PLS1: variants seen among roughly 807,000 people sequenced by gnomAD.
PLS1 encodes plastin 1, also known as plastin-1.
In PLS1, 32 loss-of-function variants were observed where a neutral mutation model predicts 73.7. The observed-to-expected ratio is 0.43, with a 90% CI of 0.33 to 0.58. PLS1 has a LOEUF of 0.58. Among genes scored for constraint, PLS1 ranks in the 20% least tolerant of loss-of-function variants. The pLI is 0.04. For synonymous variants in PLS1, 217 were observed against 261.3 expected, an observed-to-expected ratio of 0.83 and a Z score of 1.63; for missense variants, 633 against 740.5, an observed-to-expected ratio of 0.85 and a Z score of 1.68.
intron 1 of PLS1, among the ~76,000 whole-genome samples, chr3:142,643,211 A>T (rs1378816962): frequency 1.3e-5 from 2 of 152,208 alleles, no homozygotes; most frequent in African/African-American, 4.8e-5. Flanking sequence ...TGGAGCCCAG[A>T]AAGGAAGGGC....
intron 6 of PLS1, among the ~76,000 whole-genome samples, chr3:142,680,240 G>A (rs1190503776): frequency 6.6e-6 from 1 of 152,090 alleles, no homozygotes; most frequent in Non-Finnish European, 1.5e-5. Flanking sequence ...ATTTTTTAAA[G>A]TTTTTGTGGA....
chr3:142,600,218 C>T (rs1451798136), intron 1 of PLS1, among the ~76,000 whole-genome samples: 3 of 152,108 alleles, frequency 2.0e-5, no homozygotes. Flanking sequence ...GTTGAGTGTA[C>T]ACAGTGAGGA....
intron 2 of PLS1, among the ~76,000 whole-genome samples, chr3:142,668,670 C>T (rs926618743): frequency 7.9e-5 from 12 of 151,110 alleles, no homozygotes; most frequent in African/African-American, 2.7e-4. Context: ...GGCGCAATCT[C>T]GGCTCACTGC....
Position 142,635,874 on chromosome 3 carries a change from C to A in PLS1, c.-36-28328C>A, listed in dbSNP as rs147513109. Among the ~76,000 whole-genome samples the A allele has an allele frequency of 3.9e-5, 6 of 151,960 alleles. No individual in the cohort carries two copies. The East Asian group carries it at 1.2e-3, about 29-fold the overall frequency. On this transcript the variant is annotated intron_variant, in intron 1 of 15. Coordinates refer to ENST00000457734, the MANE Select transcript of PLS1 (RefSeq NM_001145319.2). ...AGCTTTTTGTTTGTTTGTGTGTGTGCGTGTGTTTTGTTTGTTTCTTTGTTT... is the reference window on the plus strand; with the variant it reads ...AGCTTTTTGTTTGTTTGTGTGTGTGAGTGTGTTTTGTTTGTTTCTTTGTTT...
At chr3:142,677,361 G>A (rs971098779) in intron 5 of PLS1, among the ~76,000 whole-genome samples, 6 of 152,142 alleles carry the variant, frequency 3.9e-5, no homozygotes, top group Admixed American at 2.6e-4. Flanking sequence ...AATTCAGGGT[G>A]ATGACTGGGC....
intron 6 of PLS1, among the ~76,000 whole-genome samples, chr3:142,683,580 G>A (rs930375128): frequency 3.3e-5 from 5 of 152,346 alleles, no homozygotes; most frequent in African/African-American, 7.2e-5. Context: ...TGTGGAAACT[G>A]TCAGTGCTGC....
At chr3:142,676,907 A>C (rs531904236) in intron 5 of PLS1, among the ~76,000 whole-genome samples, 1 of 152,248 alleles carries the variant, frequency 6.6e-6, no homozygotes, top group African/African-American at 2.4e-5. Flanking sequence ...CCCATAAATG[A>C]CTTATTAATA....
intron 11 of PLS1, 136 bp from the exon 12 acceptor site, chr3:142,697,817 T>G: frequency 1.8e-6 from 1 of 549,748 alleles, no homozygotes; most frequent in East Asian, 3.1e-5. Context: ...CTGGGTCAAA[T>G]GATATGTCCT....
intron 1 of PLS1, among the ~76,000 whole-genome samples, chr3:142,625,072 TA>T (rs920931271): frequency 2.0e-5 from 3 of 151,960 alleles, no homozygotes; most frequent in African/African-American, 7.2e-5. Flanking sequence ...GTCTAGCCAT[TA>T]AAAAAAAGTC....
intron 12 of PLS1, among the ~76,000 whole-genome samples, chr3:142,699,927 A>G (rs550775553): frequency 1.5e-3 from 235 of 152,280 alleles, no homozygotes; most frequent in African/African-American, 5.5e-3. Flanking sequence ...TTTGCATATA[A>G]TTCTTTTCAT....
At chr3:142,623,602 C>T (rs964810022) in intron 1 of PLS1, 1 of 152,154 alleles carries the variant, frequency 6.6e-6, no homozygotes, top group Non-Finnish European at 1.5e-5. Context: ...AGTAAGACAG[C>T]CTCGGATTCC....
At chr3:142,706,356 A>C (rs2038462337) in intron 14 of PLS1, among the ~76,000 whole-genome samples, 1 of 152,208 alleles carries the variant, frequency 6.6e-6, no homozygotes, top group Non-Finnish European at 1.5e-5. Context: ...GAGCCGATAA[A>C]GACAGCTGGA....
At position 142,671,024 on chromosome 3, in the gene PLS1, G is replaced by T; in HGVS notation, c.266G>T (p.Ser89Ile). ...CAAGAATTAAAAAGCAAAGATATCAGCAAAACATTCCGAAAAATAATTAAC... is the reference window on the plus strand; with the variant it reads ...CAAGAATTAAAAAGCAAAGATATCATCAAAACATTCCGAAAAATAATTAAC... ...LMQELKSKDI[S>I]KTFRKIINKR... Residue 89 changes from serine (S) to isoleucine (I), a missense_variant, in exon 4 of 16, where the codon AGC becomes ATC. Coordinates refer to ENST00000457734, the MANE Select transcript of PLS1 (RefSeq NM_001145319.2). 1.2e-6 allele frequency: 2 copies of T among 1,600,774 alleles called. No homozygotes were observed. Among genetic ancestry groups the T allele is most frequent in the Non-Finnish European group, 1.7e-6 (2 of 1,169,468 alleles).
intron 12 of PLS1, among the ~76,000 whole-genome samples, chr3:142,702,259 T>TGATATA (rs2038347115): frequency 6.6e-6 from 1 of 152,228 alleles, no homozygotes; most frequent in Admixed American, 6.5e-5. Context: ...ATCAAACATT[T>TGATATA]TATTCAATTT....
In PLS1 at chr3:142,664,470, A is replaced by G. The variant is rs569571675; in HGVS notation, c.70+163A>G. On this transcript the variant is annotated intron_variant, in intron 2 of 15. Coordinates refer to ENST00000457734, the MANE Select transcript of PLS1 (RefSeq NM_001145319.2). ...CTGGATTCTTTCTTTCTGAAAGATA[A>G]GCTACGACTAGCTTGAATTTCTAGG... Among the ~76,000 whole-genome samples, 5 of 152,324 alleles carry G rather than the reference A, an allele frequency of 3.3e-5. No homozygotes were observed. In the South Asian group the frequency reaches 1.0e-3, roughly 32 times the overall value.
chr3:142,694,021 A>T (rs915718762), intron 10 of PLS1, among the ~76,000 whole-genome samples: 2 of 152,072 alleles, frequency 1.3e-5, no homozygotes, highest in Admixed American at 6.6e-5. Flanking sequence ...TTTCCTATGT[A>T]AAACCATAAT....
chr3:142,632,013 A>G (rs1483106825), intron 1 of PLS1, among the ~76,000 whole-genome samples: 1 of 152,202 alleles, frequency 6.6e-6, no homozygotes, highest in Non-Finnish European at 1.5e-5. Context: ...AAGATCTGTA[A>G]TTCAGTAACT....
rs149284875 is a variant in PLS1, at chr3:142,686,359, G to A, written c.964G>A (p.Asp322Asn). Residue 322 changes from aspartate (D) to asparagine (N), a missense_variant, in exon 9 of 16, where the codon GAC becomes AAC. Transcript: ENST00000457734. ...GGEDGPAIAI[D>N]LSGINETNDL... ...GGAAGATGGACCTGCCATTGCCATTGACCTTTCAGGAATTAATGTGAGTGC... is the reference window on the plus strand; with the variant it reads ...GGAAGATGGACCTGCCATTGCCATTAACCTTTCAGGAATTAATGTGAGTGC... 2.8e-4 allele frequency: 451 copies of A among 1,601,468 alleles called. No individual in the cohort carries two copies. Among genetic ancestry groups the A allele is most frequent in the Non-Finnish European group, 3.5e-4 (405 of 1,168,690 alleles).
intron 1 of PLS1, among the ~76,000 whole-genome samples, chr3:142,651,932 C>A (rs1345539548): frequency 6.6e-6 from 1 of 152,168 alleles, no homozygotes; most frequent in Non-Finnish European, 1.5e-5. Context: ...CCTTCCAATC[C>A]CCTACCAGGC....
Sources: allele counts gnomAD v4.1 joint callset (sites outside exome capture counted in the v4.1 genomes callset), GRCh38; gene constraint gnomAD v4.1.1; transcripts MANE v1.5; gene names NCBI Gene and HGNC (gene_info 2026-07-23, HGNC 2026-07-21).